The following FHOD3 variants were observed in gnomAD, a reference collection of about 807,000 sequenced individuals.
The protein encoded by FHOD3 is FH1/FH2 domain-containing protein 3.
A neutral mutation model predicts 173.0 loss-of-function variants in FHOD3; 90 were observed. That is an observed-to-expected ratio of 0.52 (90% CI 0.44 to 0.62). FHOD3 has a LOEUF of 0.62. Among genes scored for constraint, FHOD3 ranks in the 20% least tolerant of loss-of-function variants. The pLI, the probability that FHOD3 is intolerant of heterozygous loss-of-function variation, is 0.00. For missense variants in FHOD3, 1,945 were observed against 2,034.7 expected, an observed-to-expected ratio of 0.96 and a Z score of 0.85; for synonymous variants, 828 against 823.0, an observed-to-expected ratio of 1.01 and a Z score of -0.10.
At chr18:36,707,436 C>T (rs999244578) in intron 17 of FHOD3, among the ~76,000 whole-genome samples, 2 of 152,218 alleles carry the variant, frequency 1.3e-5, no homozygotes, top group Non-Finnish European at 2.9e-5. Flanking sequence ...GACATTTCCA[C>T]GGAGGAGTGG....
At chr18:36,637,491 C>T (rs940698613) in intron 10 of FHOD3, among the ~76,000 whole-genome samples, 15 of 152,006 alleles carry the variant, frequency 9.9e-5, no homozygotes, top group African/African-American at 2.9e-4. Context: ...CTTGACCTCA[C>T]GTGACCCGCC....
At chr18:36,558,100 C>T (rs983919753) in intron 5 of FHOD3, among the ~76,000 whole-genome samples, 6 of 152,226 alleles carry the variant, frequency 3.9e-5, no homozygotes, top group Admixed American at 3.3e-4. Flanking sequence ...TACATTCCTG[C>T]ACTGATTAAT....
chr18:36,653,068 C>A, intron 12 of FHOD3, 139 bp downstream of exon 12: 1 of 1,181,646 alleles, frequency 8.5e-7, no homozygotes. Flanking sequence ...GTGGCATAAA[C>A]TTAAGTTGCT....
chr18:36,375,517 C>A lies in FHOD3; in HGVS notation c.337+2773C>A, dbSNP rs143129695. ...AATAATGCTTTCCTCACCCTACATT[C>A]TCTTCTCCTTCATTCCTGTTTTTAT... On this transcript the variant is annotated intron_variant, in intron 3 of 28. Coordinates refer to ENST00000590592, the MANE Select transcript of FHOD3 (RefSeq NM_001281740.3). 2.1e-3 allele frequency among the ~76,000 whole-genome samples: 321 copies of A among 152,348 alleles called. 1 individual carries two copies. Among genetic ancestry groups the A allele is most frequent in the African/African-American group, 7.3e-3 (303 of 41,588 alleles).
chr18:36,418,365 T>C (rs2073178883), intron 3 of FHOD3, among the ~76,000 whole-genome samples: 2 of 152,220 alleles, frequency 1.3e-5, no homozygotes, highest in African/African-American at 2.4e-5. Context: ...CAATGCTTTA[T>C]TCTCTCATTG....
At chr18:36,706,652 C>T (rs1034687175) in intron 17 of FHOD3, among the ~76,000 whole-genome samples, 2 of 152,186 alleles carry the variant, frequency 1.3e-5, no homozygotes, top group Non-Finnish European at 2.9e-5. Flanking sequence ...GTCAAATAGC[C>T]ATCAATCACA....
At chr18:36,508,281 T>TAAA (rs374243067) in intron 4 of FHOD3, among the ~76,000 whole-genome samples, 3 of 150,726 alleles carry the variant, frequency 2.0e-5, no homozygotes, top group African/African-American at 7.3e-5. Context: ...TTTTTTTTTT[T>TAAA]AAAAAAAGCT....
chr18:36,371,244 TTTTC>T (rs1245008870), intron 2 of FHOD3, among the ~76,000 whole-genome samples: 14 of 152,214 alleles, frequency 9.2e-5, no homozygotes, highest in South Asian at 2.1e-4. Flanking sequence ...GGGTTTCCTA[TTTTC>T]TTTAAAAGAA....
chr18:36,535,132 G>C (rs955875294), intron 5 of FHOD3, among the ~76,000 whole-genome samples: 2 of 152,118 alleles, frequency 1.3e-5, no homozygotes, highest in African/African-American at 4.8e-5. Context: ...TACCAAAACA[G>C]TGCTCCCTGA....
At chr18:36,562,024 T>TTGTATTGTAG in intron 5 of FHOD3, among the ~76,000 whole-genome samples, 1 of 150,914 alleles carries the variant, frequency 6.6e-6, no homozygotes, top group Non-Finnish European at 1.5e-5. Context: ...TTGTATTGTA[T>TTGTATTGTAG]TGTATTTTTT....
At chr18:36,745,743 G>A (rs1169608367) in intron 23 of FHOD3, among the ~76,000 whole-genome samples, 3 of 110,288 alleles carry the variant, frequency 2.7e-5, no homozygotes, top group Non-Finnish European at 5.7e-5. Context: ...TGCACCTCCC[G>A]CTCACCCCCC....
chr18:36,677,865 A>T (rs1038456646), intron 14 of FHOD3, among the ~76,000 whole-genome samples: 1 of 152,258 alleles, frequency 6.6e-6, no homozygotes, highest in Admixed American at 6.5e-5. Flanking sequence ...TTTTCAATAC[A>T]TAAATGTGAT....
chr18:36,383,916 C>G (rs573850695), intron 3 of FHOD3, among the ~76,000 whole-genome samples: 110 of 152,290 alleles, frequency 7.2e-4, no homozygotes, highest in Non-Finnish European at 1.0e-3. Context: ...ACACTAGCTG[C>G]TCTGGAGCAC....
intron 3 of FHOD3, among the ~76,000 whole-genome samples, chr18:36,471,026 C>T (rs551359294): frequency 1.6e-4 from 25 of 152,336 alleles, no homozygotes; most frequent in Non-Finnish European, 2.4e-4. Context: ...TGGCTTTGAA[C>T]GCCCACAATT....
At chr18:36,452,882 G>T (rs965735799) in intron 3 of FHOD3, among the ~76,000 whole-genome samples, 1 of 151,930 alleles carries the variant, frequency 6.6e-6, no homozygotes, top group East Asian at 1.9e-4. Flanking sequence ...ATATATGTGT[G>T]TATATATATG....
intron 5 of FHOD3, among the ~76,000 whole-genome samples, chr18:36,554,385 G>A (rs1311720804): frequency 4.1e-5 from 6 of 146,968 alleles, no homozygotes; most frequent in Non-Finnish European, 7.4e-5. Flanking sequence ...CTATCGCAAG[G>A]ACAAAAAACC....
intron 3 of FHOD3, among the ~76,000 whole-genome samples, chr18:36,460,922 C>G (rs1181849147): frequency 6.6e-6 from 1 of 152,164 alleles, no homozygotes; most frequent in East Asian, 1.9e-4. Context: ...CCCTGGAACC[C>G]AAGGTGCTGA....
At chr18:36,577,467 A>G (rs1279014561) in intron 6 of FHOD3, among the ~76,000 whole-genome samples, 1 of 152,042 alleles carries the variant, frequency 6.6e-6, no homozygotes, top group Non-Finnish European at 1.5e-5. Flanking sequence ...CCCTGGGCTA[A>G]TTTTTGTATT....
intron 5 of FHOD3, among the ~76,000 whole-genome samples, chr18:36,572,500 A>G (rs1028254979): frequency 1.3e-5 from 2 of 152,160 alleles, no homozygotes; most frequent in African/African-American, 4.8e-5. Flanking sequence ...TACAAAAAAG[A>G]TGTAGTGGGA....
Sources: gnomAD v4.1 joint callset for allele counts (sites outside exome capture counted in the v4.1 genomes callset) on GRCh38, gnomAD v4.1.1 for gene constraint, MANE v1.5 for transcripts, NCBI Gene and HGNC (gene_info 2026-07-23, HGNC 2026-07-21) for gene names.